The following PIK3R4 variants were observed in gnomAD, a reference collection of about 807,000 sequenced individuals.
PIK3R4 encodes the protein phosphoinositide 3-kinase regulatory subunit 4.
Under a neutral mutation model 136.5 loss-of-function variants are expected in PIK3R4, and 46 were observed. The ratio of observed to expected loss-of-function variants is 0.34; its 90% CI spans 0.27 to 0.43. PIK3R4 has a LOEUF of 0.43. PIK3R4 is among the 20% of genes least tolerant of loss of function. The pLI is 1.00. For missense variants in PIK3R4, 1,331 were observed against 1,649.5 expected (o/e 0.81, Z 3.35); for synonymous variants, 557 against 566.7 (o/e 0.98, Z 0.24).
intron 13 of PIK3R4, among the ~76,000 whole-genome samples, chr3:130,696,596 T>G (rs2107604268): frequency 6.6e-6 from 1 of 152,312 alleles, no homozygotes; most frequent in Non-Finnish European, 1.5e-5. Context: ...TCATTCCAAT[T>G]TGGTTAACAA....
At chr3:130,705,529 A>G (rs760335424) in intron 12 of PIK3R4, 32 bp downstream of exon 12, 1 of 1,402,174 alleles carries the variant, frequency 7.1e-7, no homozygotes, top group Non-Finnish European at 1.0e-6. Context: ...CACCTAGACT[A>G]GACTACAACT....
Position 130,708,294 on chromosome 3 carries a change from G to T in PIK3R4, c.2530C>A (p.Arg844=), listed in dbSNP as rs757861606. Residue 844 remains arginine (R), a synonymous_variant, in exon 10 of 20, where the codon CGG becomes AGG. Transcript: ENST00000356763. ...ACACACAAACAAGCATACTAACCCC[G>T]TTTGTCATCTGGTTCTTGTTTGGTT... ...VKTKQEPDDK[R]ARKHVKQDSN... 2 of 1,612,362 alleles carry T rather than the reference G, an allele frequency of 1.2e-6. No individual in the cohort carries two copies. Among genetic ancestry groups the T allele is most frequent in the Non-Finnish European group, 1.7e-6 (2 of 1,178,640 alleles).
intron 2 of PIK3R4, among the ~76,000 whole-genome samples, chr3:130,742,982 TA>T (rs2066832355): frequency 6.6e-6 from 1 of 152,218 alleles, no homozygotes; most frequent in Non-Finnish European, 1.5e-5. Context: ...CTGATTTCAT[TA>T]AATTTTTTAA....
At chr3:130,739,640 G>A (rs962229272) in intron 2 of PIK3R4, among the ~76,000 whole-genome samples, 25 of 152,218 alleles carry the variant, frequency 1.6e-4, no homozygotes, top group Admixed American at 3.3e-4. Context: ...CCAAAGTGCT[G>A]GGATTACAAG....
intron 16 of PIK3R4, among the ~76,000 whole-genome samples, chr3:130,684,032 G>A (rs1255502915): frequency 6.6e-6 from 1 of 152,152 alleles, no homozygotes; most frequent in African/African-American, 2.4e-5. Context: ...GGAGATGGTG[G>A]TGGACAGTTA....
intron 14 of PIK3R4, among the ~76,000 whole-genome samples, chr3:130,687,071 G>GTT (rs35548461): frequency 0.08 from 11,586 of 145,214 alleles, 681 homozygotes; most frequent in African/African-American, 0.17. Flanking sequence ...TCAGATTTGG[G>GTT]TTTTTTTTTT....
At chr3:130,742,432 T>C (rs941078581) in intron 2 of PIK3R4, among the ~76,000 whole-genome samples, 1 of 152,258 alleles carries the variant, frequency 6.6e-6, no homozygotes, top group Non-Finnish European at 1.5e-5. Flanking sequence ...AAGGATTACA[T>C]AACAATTAGT....
intron 1 of PIK3R4, among the ~76,000 whole-genome samples, chr3:130,746,030 T>TAA (rs796537614): frequency 1.2e-4 from 15 of 125,550 alleles, no homozygotes; most frequent in Non-Finnish European, 1.8e-4. Context: ...TCTCAAAAAA[T>TAA]AAAAAAAAAA....
chr3:130,679,080 T>C lies in PIK3R4; in HGVS notation c.*235A>G, dbSNP rs538342407. The C allele has an allele frequency of 3.4e-4, 99 of 288,506 alleles. No individual in the cohort carries two copies. Among genetic ancestry groups the C allele is most frequent in the Non-Finnish European group, 4.6e-4 (72 of 156,500 alleles). 17.9% of individuals were successfully genotyped at this position (288,506 alleles called of 1,614,324 possible). ...TTACATTTCTCACCTCTATAACATA[T>C]ACAATAAAAATCCCAGACATTGTTG... On this transcript the variant is annotated 3_prime_UTR_variant, in exon 20 of 20. Transcript: ENST00000356763.
intron 16 of PIK3R4, among the ~76,000 whole-genome samples, 161 bp downstream of exon 16, chr3:130,684,089 A>G (rs1045550969): frequency 6.6e-6 from 1 of 152,164 alleles, no homozygotes; most frequent in Non-Finnish European, 1.5e-5. Flanking sequence ...TTGAACATAG[A>G]TGACAGTGAG....
At chr3:130,731,541 T>C (rs745793504) in intron 4 of PIK3R4, among the ~76,000 whole-genome samples, 2 of 152,166 alleles carry the variant, frequency 1.3e-5, no homozygotes, top group African/African-American at 2.4e-5. Context: ...ATCCTGATAA[T>C]ATGTCAAAAT....
chr3:130,729,381 G>A (rs1272803627), intron 5 of PIK3R4, among the ~76,000 whole-genome samples: 1 of 152,160 alleles, frequency 6.6e-6, no homozygotes, highest in Non-Finnish European at 1.5e-5. Flanking sequence ...ATAAACAGAA[G>A]ACAGGGGCCA....
rs1031173935 is a variant in PIK3R4, at chr3:130,746,809, G to C, written c.-538C>G. 6.6e-6 allele frequency: 1 copy of C among 152,314 alleles called. No homozygotes were observed. Among genetic ancestry groups the C allele is most frequent in the African/African-American group, 2.4e-5 (1 of 41,446 alleles). The allele number at this position is 152,314 out of a possible 1,614,324, so 9.4% of individuals were successfully genotyped here. On this transcript the variant is annotated 5_prime_UTR_variant, in exon 1 of 20. Transcript: ENST00000356763. The stretch of plus-strand genomic sequence containing the variant: ...GCCCCAGCAAACGCCGAACTCCCGG[G>C]AAAGCAACCGGTCTGACCTCACTTC...
intron 19 of PIK3R4, 75 bp downstream of exon 19, chr3:130,680,538 T>TAAAA: frequency 1.4e-6 from 1 of 715,984 alleles, no homozygotes; most frequent in South Asian, 2.1e-5. Flanking sequence ...TCAAGCCATT[T>TAAAA]ATTTTAATCA....
At chr3:130,743,111 A>C (rs2066832942) in intron 2 of PIK3R4, among the ~76,000 whole-genome samples, 1 of 152,100 alleles carries the variant, frequency 6.6e-6, no homozygotes, top group Admixed American at 6.6e-5. Context: ...ATGCCCAAAA[A>C]TTTATAACCA....
chr3:130,716,633 A>C (rs1273032500), intron 8 of PIK3R4, 34 bp from the exon 9 acceptor site: 6 of 1,302,100 alleles, frequency 4.6e-6, no homozygotes, highest in Admixed American at 3.9e-5. Context: ...TCAGCCAAAA[A>C]TATAACATGT....
intron 18 of PIK3R4, 59 bp downstream of exon 18, chr3:130,680,918 G>C (rs1349316833): frequency 2.3e-6 from 2 of 871,940 alleles, no homozygotes; most frequent in Non-Finnish European, 3.7e-6. Context: ...AGTGCCATCA[G>C]TATCTATAAT....
chr3:130,685,822 G>A (rs1322959060), intron 15 of PIK3R4, among the ~76,000 whole-genome samples: 1 of 152,094 alleles, frequency 6.6e-6, no homozygotes, highest in East Asian at 1.9e-4. Context: ...AACCTCAGAG[G>A]AGTTAAATAA....
At chr3:130,740,572 T>C (rs1389327453) in intron 2 of PIK3R4, among the ~76,000 whole-genome samples, 1 of 151,882 alleles carries the variant, frequency 6.6e-6, no homozygotes, top group Non-Finnish European at 1.5e-5. Context: ...ACCCTGTCTC[T>C]ACTAAAAATA....
Sources: allele counts gnomAD v4.1 joint callset (sites outside exome capture counted in the v4.1 genomes callset), GRCh38; gene constraint gnomAD v4.1.1; transcripts MANE v1.5; gene names NCBI Gene and HGNC (gene_info 2026-07-23, HGNC 2026-07-21).